Variants in MPV17 observed in about 807,000 individuals in gnomAD.
The protein encoded by MPV17 is mitochondrial inner membrane protein MPV17, also known as MPV17, mitochondrial inner membrane protein.
Under a neutral mutation model 28.6 loss-of-function variants are expected in MPV17, and 31 were observed. The observed-to-expected ratio is 1.08, with a 90% confidence interval of 0.81 to 1.46. The LOEUF (loss-of-function observed/expected upper bound fraction) is 1.46. MPV17 is among the 40% of genes most tolerant of loss of function. The pLI is 0.00. For missense variants in MPV17, 198 were observed against 216.2 expected (o/e 0.92, Z 0.53); for synonymous variants, 87 against 85.3 (o/e 1.02, Z -0.11).
chr2:27,318,069 CTTTT>C (rs746744519), intron 2 of MPV17, among the ~76,000 whole-genome samples: 4 of 137,398 alleles, frequency 2.9e-5, no homozygotes, highest in Admixed American at 7.4e-5. Context: ...TCTTTCTTTT[CTTTT>C]TTTTTTTTTT....
chr2:27,312,796 G>A, intron 3 of MPV17, 24 bp from the exon 4 acceptor site: 1 of 1,612,256 alleles, frequency 6.2e-7, no homozygotes. Context: ...CCAGATAGCA[G>A]CAGGCTGCAG....
chr2:27,309,976 G>A lies in MPV17; in HGVS notation c.467C>T (p.Ala156Val). Residue 156 changes from alanine (A) to valine (V), a missense_variant, in exon 8 of 8, where the codon GCC (alanine) becomes GTC (valine). Ala to Val is a moderately conservative substitution (Grantham distance 64). Coordinates refer to ENST00000380044, the MANE Select transcript of MPV17 (RefSeq NM_002437.5). ...FYLVPLHYRL[A>V]VVQCVAVIWN... Reference sequence around the variant, plus strand: ...GATAACAGCAACACATTGGACAACGGCCAACCTAAGGAACAGGAATAACAC... The same window carrying A: ...GATAACAGCAACACATTGGACAACGACCAACCTAAGGAACAGGAATAACAC... The A allele has an allele frequency of 6.2e-7, 1 of 1,613,294 alleles. No homozygotes were observed. The highest frequency in any genetic ancestry group is 2.2e-5 in the East Asian group (1 of 44,882).
chr2:27,316,258 G>C, intron 2 of MPV17: 1 of 1,527,624 alleles, frequency 6.5e-7, no homozygotes, highest in Non-Finnish European at 8.9e-7. Flanking sequence ...CAAGCTAGAG[G>C]CAGAGCTGGA....
At chr2:27,311,510 C>T (rs1679437629) in intron 7 of MPV17, 1 of 1,310,500 alleles carries the variant, frequency 7.6e-7, no homozygotes, top group African/African-American at 1.5e-5. Context: ...GGGTGCAGTT[C>T]AGCAACTGTC....
At chr2:27,310,153 G>T (rs1436964576) in intron 7 of MPV17, among the ~76,000 whole-genome samples, 172 bp from the exon 8 acceptor site, 1 of 152,234 alleles carries the variant, frequency 6.6e-6, no homozygotes, top group Non-Finnish European at 1.5e-5. Context: ...TGCCCAGGCT[G>T]GAGTGCAGTA....
At chr2:27,321,358 A>C (rs1377514693) in intron 2 of MPV17, among the ~76,000 whole-genome samples, 1 of 152,232 alleles carries the variant, frequency 6.6e-6, no homozygotes, top group African/African-American at 2.4e-5. Flanking sequence ...AGAGGGGCCC[A>C]GGGAAGGGCC....
At chr2:27,314,978 C>A (rs1001115145) in intron 2 of MPV17, among the ~76,000 whole-genome samples, 3 of 152,226 alleles carry the variant, frequency 2.0e-5, no homozygotes, top group Admixed American at 6.5e-5. Context: ...CCGTGGCTCA[C>A]CTCGGCTACT....
At chr2:27,310,495 C>G (rs1367028870) in intron 7 of MPV17, among the ~76,000 whole-genome samples, 1 of 152,198 alleles carries the variant, frequency 6.6e-6, no homozygotes, top group African/African-American at 2.4e-5. Flanking sequence ...CTGAGAGCCT[C>G]AAAGGCTAAA....
intron 7 of MPV17, chr2:27,311,420 C>G: frequency 1.5e-6 from 1 of 667,200 alleles, no homozygotes; most frequent in Non-Finnish European, 2.5e-6. Context: ...CCCTCTGAAG[C>G]GTTCCATATT....
intron 2 of MPV17, 109 bp downstream of exon 2, chr2:27,322,339 T>C: frequency 1.0e-6 from 1 of 996,526 alleles, no homozygotes; most frequent in Non-Finnish European, 1.6e-6. Context: ...CAGCCAACCC[T>C]TCAAGAGAGC....
intron 2 of MPV17, among the ~76,000 whole-genome samples, chr2:27,319,075 G>A (rs1278652426): frequency 1.3e-5 from 2 of 152,084 alleles, no homozygotes; most frequent in African/African-American, 4.8e-5. Context: ...ACTTTAAGGA[G>A]TATTTCAAAA....
At position 27,317,130 on chromosome 2, in the gene MPV17, T is replaced by G; in HGVS notation, c.71-4021A>C. The G allele has an allele frequency of 6.5e-7, 1 of 1,550,240 alleles. No homozygotes were observed. Among genetic ancestry groups the G allele is most frequent in the South Asian group, 1.2e-5 (1 of 84,020 alleles). ...GAAGGCAGAGGGGCAAGAAGTGGCT[T>G]CTTGGAGTGAGGAGCAGGAAGCGTG... On this transcript the variant is annotated intron_variant, in intron 2 of 7. Transcript: ENST00000380044. The surrounding 1 kb of genome is among the most constrained non-coding windows in gnomAD (Gnocchi z 4.0).
chr2:27,315,905 TG>T (rs1679633009), intron 2 of MPV17: 1 of 1,428,420 alleles, frequency 7.0e-7, no homozygotes, highest in Middle Eastern at 2.6e-4. Flanking sequence ...TGAGATGACT[TG>T]GTAAGGAGTG....
intron 4 of MPV17, 40 bp from the exon 5 acceptor site, chr2:27,312,629 C>T (rs1679494260): frequency 1.2e-6 from 2 of 1,613,050 alleles, no homozygotes; most frequent in Non-Finnish European, 1.7e-6. Flanking sequence ...TGCTGAAATC[C>T]CCACCTACCC....
At chr2:27,320,811 G>A (rs1171194225) in intron 2 of MPV17, among the ~76,000 whole-genome samples, 4 of 152,176 alleles carry the variant, frequency 2.6e-5, no homozygotes, top group Admixed American at 6.5e-5. Flanking sequence ...AGGAACTACT[G>A]TGCTGGGGTC....
rs1188396426 is a variant in MPV17 at position 27,317,701 on chromosome 2, C to T, written c.71-4592G>A. Among the ~76,000 whole-genome samples the T allele has an allele frequency of 1.3e-5, 2 of 152,208 alleles. No homozygotes were observed. The highest frequency in any genetic ancestry group is 4.8e-5 in the African/African-American group (2 of 41,464). ...ATTTGTAAGAGCTCAGCTGCTCCCA[C>T]AGCAGGACCGAGTAGACTAAGATGG... On this transcript the variant is annotated intron_variant, in intron 2 of 7. Transcript: ENST00000380044. This position sits in a 1 kb window ranked among gnomAD's most constrained non-coding sequence, Gnocchi z 4.0.
intron 2 of MPV17, chr2:27,322,218 C>T (rs1679887179): frequency 1.7e-6 from 1 of 591,840 alleles, no homozygotes; most frequent in Non-Finnish European, 3.0e-6. Flanking sequence ...TTTTTGAGGA[C>T]TTTGAAATCC....
chr2:27,315,803 CCA>C, intron 2 of MPV17: 1 of 828,018 alleles, frequency 1.2e-6, no homozygotes, highest in Non-Finnish European at 1.6e-6. Flanking sequence ...CCCAGGTGAT[CCA>C]CCTGCCTTGG....
chr2:27,313,045 T>A lies in MPV17; in HGVS notation c.135A>T (p.Glu45Asp), dbSNP rs1358533604. The change falls in exon 3 of 8, where the codon GAA (glutamate) becomes GAT (aspartate). Residue 45 changes from glutamate to aspartate, a missense_variant. Glu to Asp is a conservative substitution (Grantham distance 45). Transcript: ENST00000380044. The stretch of plus-strand genomic sequence containing the variant: ...TGGTCAGAGTCCGGCCTCTCTGGTG[T>A]TCCTGCAGACCCCGCCTCTCCACCA... ...QQLVERRGLQ[E>D]HQRGRTLTMV... The A allele has an allele frequency of 6.2e-7, 1 of 1,614,126 alleles. No homozygotes were observed. The highest frequency in any genetic ancestry group is 1.1e-5 in the South Asian group (1 of 91,084).
Sources: gnomAD v4.1 joint callset for allele counts (sites outside exome capture counted in the v4.1 genomes callset) on GRCh38, gnomAD v4.1.1 for gene constraint, Gnocchi (gnomAD v3.1) non-coding constraint, MANE v1.5 for transcripts, NCBI Gene and HGNC (gene_info 2026-07-23, HGNC 2026-07-21) for gene names.